Variants in GUCY1A1 observed in about 807,000 individuals in gnomAD.
GUCY1A1 encodes guanylate cyclase 1 soluble subunit alpha 1.
In GUCY1A1, 48 loss-of-function variants were observed where a neutral mutation model predicts 64.5. That is an observed-to-expected ratio of 0.74 (90% confidence interval 0.59 to 0.95). The LOEUF (loss-of-function observed/expected upper bound fraction) is 0.95. GUCY1A1 is among the 40% of genes least tolerant of loss of function. The probability of loss-of-function intolerance (pLI) is 0.00; values close to 1 mark genes in which losing one functional copy is unlikely to be tolerated. For missense variants in GUCY1A1, 804 were observed against 825.3 expected, an observed-to-expected ratio of 0.97 and a Z score of 0.32; for synonymous variants, 308 against 303.4, an observed-to-expected ratio of 1.02 and a Z score of -0.16.
intron 6 of GUCY1A1, chr4:155,711,492 G>T (rs1020296727): frequency 1.7e-5 from 5 of 302,928 alleles, no homozygotes; most frequent in Admixed American, 9.4e-5. Flanking sequence ...ATATCTTTAT[G>T]GAATGTTTTA....
chr4:155,720,376 T>TA (rs1554002161), intron 8 of GUCY1A1, among the ~76,000 whole-genome samples: 1 of 143,620 alleles, frequency 7.0e-6, no homozygotes, highest in Admixed American at 7.0e-5. Flanking sequence ...TCTATCTATC[T>TA]ATCACTTGCT....
Position 155,669,517 on chromosome 4 carries a change from AC to A in GUCY1A1, c.-113+2099del, listed in dbSNP as rs1458278015. Among the ~76,000 whole-genome samples, 5 of 152,160 alleles carry A rather than the reference AC, an allele frequency of 3.3e-5. No homozygotes were observed. The East Asian group carries it at 9.6e-4, about 29-fold the overall frequency. Reference sequence around the variant, plus strand: ...TTATTTATTTATGGCAATACCAAAAACAAAAGTGTGAAAAACTTCACAATGC... The same window carrying A: ...TTATTTATTTATGGCAATACCAAAAAAAAAGTGTGAAAAACTTCACAATGC... On this transcript the variant is annotated intron_variant, in intron 2 of 9. Coordinates refer to ENST00000506455, the MANE Select transcript of GUCY1A1 (RefSeq NM_001130682.3).
At chr4:155,719,397 G>A (rs960223792) in intron 8 of GUCY1A1, among the ~76,000 whole-genome samples, 4 of 151,888 alleles carry the variant, frequency 2.6e-5, no homozygotes, top group Admixed American at 6.6e-5. Flanking sequence ...ACTTAACATC[G>A]TCTCATTTAA....
intron 2 of GUCY1A1, among the ~76,000 whole-genome samples, chr4:155,687,634 A>G (rs1045693635): frequency 6.6e-6 from 1 of 152,136 alleles, no homozygotes; most frequent in African/African-American, 2.4e-5. Flanking sequence ...TTAATCTCAC[A>G]ACACATTTAT....
chr4:155,686,640 G>GGTT (rs1187120874), intron 2 of GUCY1A1, among the ~76,000 whole-genome samples: 4 of 152,168 alleles, frequency 2.6e-5, no homozygotes, highest in Non-Finnish European at 5.9e-5. Context: ...ATTTAAGTTT[G>GGTT]GTTGTTATGA....
At chr4:155,724,293 T>C (rs1337834108) in intron 9 of GUCY1A1, among the ~76,000 whole-genome samples, 3 of 152,162 alleles carry the variant, frequency 2.0e-5, no homozygotes, top group Non-Finnish European at 4.4e-5. Flanking sequence ...TACAACCATA[T>C]CTATTAAAGC....
rs1341881654 is a variant in GUCY1A1 at position 155,733,908 on chromosome 4, TATATCCTGG to T, written c.*3682_*3690del. ...TACATCAAGGGAAAATGATTCATTT[TATATCCTGG>T]ATATTTTACCATAAGTATGAGCATA... On this transcript the variant is annotated 3_prime_UTR_variant, in exon 10 of 10. Coordinates refer to ENST00000506455, the MANE Select transcript of GUCY1A1 (RefSeq NM_001130682.3). Among the ~76,000 whole-genome samples the T allele has an allele frequency of 6.6e-6, 1 of 151,896 alleles. No homozygotes were observed. Among genetic ancestry groups the T allele is most frequent in the Non-Finnish European group, 1.5e-5 (1 of 67,896 alleles).
intron 3 of GUCY1A1, among the ~76,000 whole-genome samples, chr4:155,698,222 A>G (rs1730662723): frequency 6.7e-6 from 1 of 150,282 alleles, no homozygotes; most frequent in Non-Finnish European, 1.5e-5. Flanking sequence ...GAAAGAAGAA[A>G]TTGAAGTTTG....
intron 4 of GUCY1A1, among the ~76,000 whole-genome samples, chr4:155,704,811 G>A (rs1472213652): frequency 6.6e-6 from 1 of 151,952 alleles, no homozygotes; most frequent in African/African-American, 2.4e-5. Context: ...AGAACTCCTG[G>A]GCTCAGGCCA....
Position 155,710,374 on chromosome 4 carries a change from C to T in GUCY1A1, c.377-168C>T, listed in dbSNP as rs181474672. Among the ~76,000 whole-genome samples, 66 of 152,118 alleles carry T rather than the reference C, an allele frequency of 4.3e-4. No individual in the cohort carries two copies. In the East Asian group the frequency reaches 0.012, roughly 27 times the overall value. On this transcript the variant is annotated intron_variant, in intron 5 of 9. Coordinates refer to ENST00000506455, the MANE Select transcript of GUCY1A1 (RefSeq NM_001130682.3). ...CAGTTACTAGAATTTTAGAAGCTAA[C>T]CTAGGTAGATAATTTGGATATAGGG...
intron 9 of GUCY1A1, among the ~76,000 whole-genome samples, chr4:155,725,686 G>A (rs966629637): frequency 6.6e-6 from 1 of 151,830 alleles, no homozygotes; most frequent in African/African-American, 2.4e-5. Context: ...GTCATGTTAG[G>A]GGGCACTGAT....
intron 9 of GUCY1A1, among the ~76,000 whole-genome samples, chr4:155,724,441 T>A (rs1734388882): frequency 6.6e-6 from 1 of 152,098 alleles, no homozygotes; most frequent in Non-Finnish European, 1.5e-5. Flanking sequence ...TCTTATTTTC[T>A]CTTCAACTCA....
chr4:155,717,127 T>C, intron 7 of GUCY1A1, 32 bp from the exon 8 acceptor site: 1 of 1,346,500 alleles, frequency 7.4e-7, no homozygotes, highest in Non-Finnish European at 9.8e-7. Context: ...CCTGAGCATT[T>C]ATTTATAGTA....
chr4:155,700,747 G>C (rs1730977970), intron 3 of GUCY1A1, among the ~76,000 whole-genome samples: 1 of 152,046 alleles, frequency 6.6e-6, no homozygotes, highest in Admixed American at 6.6e-5. Context: ...CAAATAAGAG[G>C]ATCTGTTCCC....
chr4:155,716,159 G>A (rs1733205781), intron 7 of GUCY1A1, among the ~76,000 whole-genome samples: 2 of 152,174 alleles, frequency 1.3e-5, no homozygotes, highest in Admixed American at 6.5e-5. Context: ...TGGAGAATAA[G>A]AAGATAAAGT....
In GUCY1A1 at chr4:155,730,108, C is replaced by A; in HGVS notation, c.1950C>A (p.Ile650=). The stretch of plus-strand genomic sequence containing the variant: ...TTCCACCAAACTTCCCTAGTGAAAT[C>A]CCCGGAATCTGCCATTTTCTGGATG... ...EELPPNFPSE[I]PGICHFLDAY... is the part of the protein sequence containing the mutation. Residue 650 remains isoleucine (I), a synonymous_variant, in exon 10 of 10, where the codon ATC becomes ATA. Transcript: ENST00000506455. 1 of 1,610,856 alleles carries A rather than the reference C, an allele frequency of 6.2e-7. No homozygotes were observed. Among genetic ancestry groups the A allele is most frequent in the Non-Finnish European group, 8.5e-7 (1 of 1,177,542 alleles).
chr4:155,728,705 A>G (rs778512592), intron 9 of GUCY1A1, among the ~76,000 whole-genome samples: 57 of 151,944 alleles, frequency 3.8e-4, no homozygotes, highest in Non-Finnish European at 6.2e-4. Flanking sequence ...TACTGTTACC[A>G]ATATGATAGG....
chr4:155,725,366 G>C (rs1307237455), intron 9 of GUCY1A1, among the ~76,000 whole-genome samples: 1 of 152,038 alleles, frequency 6.6e-6, no homozygotes, highest in African/African-American at 2.4e-5. Context: ...GTCCTACTGG[G>C]TATAATAGGT....
At chr4:155,688,798 C>A (rs10029859) in intron 2 of GUCY1A1, among the ~76,000 whole-genome samples, 11,504 of 145,810 alleles carry the variant, frequency 0.079, 1,456 homozygotes, top group African/African-American at 0.3. Flanking sequence ...AGAAAAAAAA[C>A]AAAACAAAAC....
Sources: gnomAD v4.1 joint callset for allele counts (sites outside exome capture counted in the v4.1 genomes callset) on GRCh38, gnomAD v4.1.1 for gene constraint, MANE v1.5 for transcripts, NCBI Gene and HGNC (gene_info 2026-07-23, HGNC 2026-07-21) for gene names.